Variants in PCDH9 observed in about 807,000 individuals in gnomAD.
The protein encoded by PCDH9 is protocadherin 9.
Under a neutral mutation model 70.6 loss-of-function variants are expected in PCDH9, and 24 were observed. The observed-to-expected ratio is 0.34, with a 90% CI of 0.25 to 0.48. PCDH9 has a LOEUF of 0.48. PCDH9 is among the 20% of genes least tolerant of loss of function. The probability of loss-of-function intolerance (pLI) is 0.99; values close to 1 mark genes in which losing one functional copy is unlikely to be tolerated. For missense variants in PCDH9, 1,281 were observed against 1,503.6 expected (o/e 0.85, Z 2.45); for synonymous variants, 562 against 558.5 (o/e 1.01, Z -0.09).
intron 4 of PCDH9, among the ~76,000 whole-genome samples, chr13:66,458,763 T>C (rs983665596): frequency 7.9e-5 from 12 of 152,016 alleles, no homozygotes; most frequent in Non-Finnish European, 1.6e-4. Context: ...TTACCAAACC[T>C]TTCCTATGAG....
chr13:66,345,331 A>G (rs1859590893), intron 4 of PCDH9, among the ~76,000 whole-genome samples: 1 of 152,082 alleles, frequency 6.6e-6, no homozygotes, highest in African/African-American at 2.4e-5. Context: ...CTTTTCTCTC[A>G]TTTTACTCCA....
chr13:66,750,802 C>A (rs1315706559), intron 3 of PCDH9, among the ~76,000 whole-genome samples: 1 of 151,754 alleles, frequency 6.6e-6, no homozygotes, highest in Non-Finnish European at 1.5e-5. Context: ...AAAAAGAGCA[C>A]AGCCCTACCC....
intron 2 of PCDH9, among the ~76,000 whole-genome samples, chr13:67,101,229 A>T (rs1414793439): frequency 6.6e-6 from 1 of 152,226 alleles, no homozygotes; most frequent in East Asian, 1.9e-4. Context: ...ATGCAATCTG[A>T]TTATAAGTCC....
At chr13:66,816,042 A>C (rs773003073) in intron 3 of PCDH9, among the ~76,000 whole-genome samples, 7 of 152,186 alleles carry the variant, frequency 4.6e-5, no homozygotes, top group Non-Finnish European at 1.0e-4. Flanking sequence ...TCTAATACAA[A>C]TGCAGTTACT....
Position 66,943,305 on chromosome 13 carries a change from T to C in PCDH9, c.3037-39700A>G, listed in dbSNP as rs188730781. Among the ~76,000 whole-genome samples, 146 of 152,194 alleles carry C rather than the reference T, an allele frequency of 9.6e-4. 2 individuals are homozygous for C. In the Middle Eastern group the frequency reaches 0.024, roughly 25 times the overall value. On this transcript the variant is annotated intron_variant, in intron 2 of 4. Transcript: ENST00000377865. ...CTTTCCCTACTGTGCCTTCATGGAA[T>C]GAATTGCTCGGCCTCTTTTGGTTTT... is the stretch of plus-strand genomic sequence containing the variant.
At chr13:66,894,305 T>G (rs1009275247) in intron 3 of PCDH9, among the ~76,000 whole-genome samples, 1 of 152,096 alleles carries the variant, frequency 6.6e-6, no homozygotes, top group Non-Finnish European at 1.5e-5. Context: ...AAAAAAAAAT[T>G]CAAATAATTT....
intron 4 of PCDH9, among the ~76,000 whole-genome samples, chr13:66,522,461 G>T (rs1208857392): frequency 6.6e-6 from 1 of 151,978 alleles, no homozygotes; most frequent in African/African-American, 2.4e-5. Flanking sequence ...CAATTTTTTT[G>T]AAACAACTGT....
At chr13:66,885,246 C>A (rs1229501141) in intron 3 of PCDH9, among the ~76,000 whole-genome samples, 1 of 152,134 alleles carries the variant, frequency 6.6e-6, no homozygotes, top group Non-Finnish European at 1.5e-5. Context: ...CTTCTTCCAA[C>A]TTTTTGCCCT....
Position 67,225,935 on chromosome 13 carries a change from C to T in PCDH9, c.2506G>A (p.Val836Met). ...VIVVIFVTVL[V>M]RCRHASRFKA... ...AACCTTGATGCATGGCGACAGCGCA[C>T]CAGAACGGTGACGAAGATCACAACA... The change falls in exon 2 of 5, where the codon GTG (valine) becomes ATG (methionine). Residue 836 changes from valine to methionine, a missense_variant. This residue lies in a region of PCDH9 where 207 missense variants were observed against 191.8 expected (regional missense o/e 1.08). Transcript: ENST00000377865. The T allele has an allele frequency of 6.2e-7, 1 of 1,614,110 alleles. No homozygotes were observed. The highest frequency in any genetic ancestry group is 1.1e-5 in the South Asian group (1 of 91,082).
chr13:66,565,619 C>T (rs1214600199), intron 4 of PCDH9, among the ~76,000 whole-genome samples: 1 of 152,174 alleles, frequency 6.6e-6, no homozygotes, highest in Non-Finnish European at 1.5e-5. Flanking sequence ...GCAATTCCAT[C>T]ATTCAGCATT....
At chr13:66,799,708 A>C (rs942919516) in intron 3 of PCDH9, among the ~76,000 whole-genome samples, 2 of 152,198 alleles carry the variant, frequency 1.3e-5, no homozygotes, top group African/African-American at 4.8e-5. Flanking sequence ...CAGTAATTTT[A>C]AATTATTTCT....
intron 2 of PCDH9, among the ~76,000 whole-genome samples, chr13:67,154,614 A>ACACG: frequency 7.4e-6 from 1 of 135,346 alleles, no homozygotes; most frequent in African/African-American, 2.8e-5. Context: ...ATACACACAC[A>ACACG]CACACACACA....
intron 4 of PCDH9, among the ~76,000 whole-genome samples, chr13:66,483,274 G>A (rs921562877): frequency 2.0e-5 from 3 of 152,108 alleles, no homozygotes; most frequent in Admixed American, 2.0e-4. Flanking sequence ...TGTTTTATAG[G>A]AAACAAGCAT....
chr13:66,694,905 C>CT (rs367904882), intron 3 of PCDH9, among the ~76,000 whole-genome samples: 3,668 of 141,724 alleles, frequency 0.026, 142 homozygotes, highest in African/African-American at 0.058. Context: ...CACTTACATA[C>CT]TTTTTTTTTT....
intron 4 of PCDH9, among the ~76,000 whole-genome samples, chr13:66,421,784 A>G (rs1321141583): frequency 6.6e-6 from 1 of 152,206 alleles, no homozygotes; most frequent in African/African-American, 2.4e-5. Context: ...TAGCATCATA[A>G]CGACAGGATC....
chr13:67,068,932 T>C (rs2085704814), intron 2 of PCDH9, among the ~76,000 whole-genome samples: 1 of 152,138 alleles, frequency 6.6e-6, no homozygotes, highest in South Asian at 2.1e-4. Flanking sequence ...AAAATGTAAG[T>C]CTCTGAATTA....
chr13:67,089,204 TTTAA>T (rs1398157636), intron 2 of PCDH9, among the ~76,000 whole-genome samples: 2 of 151,976 alleles, frequency 1.3e-5, no homozygotes, highest in Non-Finnish European at 2.9e-5. Context: ...GTAGGGGATG[TTTAA>T]TTAGAGATTC....
chr13:66,714,732 T>G (rs1011855714), intron 3 of PCDH9, among the ~76,000 whole-genome samples: 2 of 152,170 alleles, frequency 1.3e-5, no homozygotes, highest in African/African-American at 4.8e-5. Context: ...GTGGGTTGAG[T>G]TAGGTTATTA....
In PCDH9 at chr13:66,914,616, T is replaced by C. The variant is rs574436831; in HGVS notation, c.3037-11011A>G. 7 of 152,012 alleles carry C rather than the reference T, an allele frequency of 4.6e-5. No homozygotes were observed. The East Asian group carries it at 1.2e-3, about 25-fold the overall frequency. 9.4% of individuals were successfully genotyped at this position (152,012 alleles called of 1,614,324 possible). ...TGGAGAAGAAAATCATAAAATACTA[T>C]GTGATTGTATACTCTCCTCAAAAAG... is the stretch of plus-strand genomic sequence containing the variant. On this transcript the variant is annotated intron_variant, in intron 2 of 4. Coordinates refer to ENST00000377865, the MANE Select transcript of PCDH9 (RefSeq NM_203487.3).
Sources: allele counts gnomAD v4.1 joint callset (sites outside exome capture counted in the v4.1 genomes callset), GRCh38; gene constraint gnomAD v4.1.1; regional missense constraint gnomAD v4.1.1; transcripts MANE v1.5; gene names NCBI Gene and HGNC (gene_info 2026-07-23, HGNC 2026-07-21).